Variants in NAALADL2 observed in about 807,000 individuals in gnomAD.
NAALADL2 encodes the protein N-acetylated alpha-linked acidic dipeptidase like 2, also known as inactive N-acetylated-alpha-linked acidic dipeptidase-like protein 2.
NAALADL2 carries 76 observed loss-of-function variants against 87.2 expected under a neutral mutation model. The ratio of observed to expected loss-of-function variants is 0.87; its 90% CI spans 0.72 to 1.05. NAALADL2 has a LOEUF of 1.05. Among genes scored for constraint, NAALADL2 ranks in the 50% least tolerant of loss-of-function variants. NAALADL2 has a pLI of 0.00. For synonymous variants in NAALADL2, 354 were observed against 331.0 expected, an observed-to-expected ratio of 1.07 and a Z score of -0.75; for missense variants, 1,089 against 945.8, an observed-to-expected ratio of 1.15 and a Z score of -1.99.
intron 4 of NAALADL2, among the ~76,000 whole-genome samples, chr3:175,267,394 T>TA (rs1036984677): frequency 8.6e-5 from 13 of 152,042 alleles, no homozygotes; most frequent in Non-Finnish European, 1.8e-4. Context: ...TTAAGTAATT[T>TA]ATTTTTTTTA....
chr3:175,667,393 CA>C (rs1474158322), intron 11 of NAALADL2, among the ~76,000 whole-genome samples: 3 of 152,066 alleles, frequency 2.0e-5, no homozygotes, highest in Non-Finnish European at 4.4e-5. Flanking sequence ...TCCAAATTGT[CA>C]CGTTTAAAAT....
In NAALADL2 at chr3:175,697,891, A is replaced by G. The variant is rs199795362; in HGVS notation, c.1897-39415A>G. 5.5e-4 allele frequency among the ~76,000 whole-genome samples: 44 copies of G among 79,952 alleles called. 1 individual carries two copies. Among genetic ancestry groups the G allele is most frequent in the African/African-American group, 2.1e-3 (40 of 19,100 alleles). 52.5% of individuals were successfully genotyped at this position (79,952 alleles called of 152,430 possible). ...TATGTATACATATATATGTGTATAT[A>G]TGTATGTATACATATATATGTGTAT... On this transcript the variant is annotated intron_variant, in intron 11 of 13. Coordinates refer to ENST00000454872, the MANE Select transcript of NAALADL2 (RefSeq NM_207015.3).
intron 4 of NAALADL2, among the ~76,000 whole-genome samples, chr3:175,304,640 A>G (rs1382174394): frequency 6.6e-6 from 1 of 152,152 alleles, no homozygotes; most frequent in East Asian, 1.9e-4. Flanking sequence ...CTGCCAGACC[A>G]GATGCTCCAC....
chr3:174,475,342 C>T (rs992760640), intron 1 of NAALADL2, among the ~76,000 whole-genome samples: 6 of 151,914 alleles, frequency 3.9e-5, no homozygotes, highest in African/African-American at 1.4e-4. Context: ...ATGGACAATA[C>T]TGATGTTGCA....
intron 1 of NAALADL2, among the ~76,000 whole-genome samples, chr3:174,489,228 T>C (rs1048661899): frequency 3.9e-5 from 6 of 151,968 alleles, no homozygotes; most frequent in African/African-American, 1.4e-4. Context: ...GCCAAAACAA[T>C]TTAATGAGGA....
rs1004115880 is a variant in NAALADL2, at chr3:175,809,460, A to C, written c.*6257A>C. On this transcript the variant is annotated 3_prime_UTR_variant, in exon 14 of 14. Coordinates refer to ENST00000454872, the MANE Select transcript of NAALADL2 (RefSeq NM_207015.3). ...CACTGTGCAGGACTAATTTTTTTTT[A>C]ATAGACATCCAGAAAATAGCCTGGG... The C allele has an allele frequency of 4.3e-5, 5 of 116,052 alleles. No homozygotes were observed. The highest frequency in any genetic ancestry group is 8.4e-5 in the Non-Finnish European group (5 of 59,294). 7.2% of individuals were successfully genotyped at this position (116,052 alleles called of 1,614,324 possible). A position where few individuals can be genotyped will look rare whatever the true frequency, so the allele number is the denominator to read the frequency against.
Position 174,840,066 on chromosome 3 carries a change from G to C in NAALADL2, c.-9+102320G>C, listed in dbSNP as rs141221857. 9.5e-3 allele frequency among the ~76,000 whole-genome samples: 1,449 copies of C among 151,874 alleles called. 18 individuals are homozygous for C. The highest frequency in any genetic ancestry group is 0.032 in the African/African-American group (1,347 of 41,450). On this transcript the variant is annotated intron_variant, in intron 3 of 3. Transcript: ENST00000434257. ...TACTTGCACATGCATTTATATAGCA[G>C]CACAATTCGTAATTACAAAAATGTG...
Position 175,353,527 on chromosome 3 carries a change from T to G in NAALADL2, c.1090+29202T>G, listed in dbSNP as rs565352986. ...TAAACAATTTCAAAGGTGAGAAGAC[T>G]AAGACATGTCAAACTTAGGTGATTT... On this transcript the variant is annotated intron_variant, in intron 5 of 13. Coordinates refer to ENST00000454872, the MANE Select transcript of NAALADL2 (RefSeq NM_207015.3). Among the ~76,000 whole-genome samples, 6 of 152,332 alleles carry G rather than the reference T, an allele frequency of 3.9e-5. No individual in the cohort carries two copies. The East Asian group carries it at 1.2e-3, about 29-fold the overall frequency.
chr3:175,553,741 A>G (rs938993226), intron 9 of NAALADL2, among the ~76,000 whole-genome samples: 4 of 151,720 alleles, frequency 2.6e-5, no homozygotes, highest in African/African-American at 9.7e-5. Flanking sequence ...ATGATAATAT[A>G]AATTTTCCAT....
At chr3:175,380,167 T>G (rs1767625305) in intron 5 of NAALADL2, among the ~76,000 whole-genome samples, 1 of 152,082 alleles carries the variant, frequency 6.6e-6, no homozygotes, top group East Asian at 1.9e-4. Context: ...ACCTGCATGT[T>G]GTGCACATGT....
In NAALADL2 at chr3:174,776,078, T is replaced by A. The variant is rs544526598; in HGVS notation, c.-9+38332T>A. 4.1e-4 allele frequency among the ~76,000 whole-genome samples: 63 copies of A among 152,268 alleles called. 1 individual carries two copies. In the East Asian group the frequency reaches 0.012, roughly 28 times the overall value. On this transcript the variant is annotated intron_variant, in intron 3 of 3. Transcript: ENST00000434257. ...CTGTTTTCCTTTTATGTCAACTTTCTTCAAATAAGAATCTTTATACACAAT... is the reference window on the plus strand; with the variant it reads ...CTGTTTTCCTTTTATGTCAACTTTCATCAAATAAGAATCTTTATACACAAT...
intron 2 of NAALADL2, among the ~76,000 whole-genome samples, chr3:175,143,115 C>T (rs1299907554): frequency 1.3e-5 from 2 of 151,952 alleles, no homozygotes; most frequent in East Asian, 1.9e-4. Context: ...GCTTCAACCT[C>T]TTCATTCACA....
At chr3:174,795,161 T>A (rs1364295169) in intron 3 of NAALADL2, among the ~76,000 whole-genome samples, 1 of 115,112 alleles carries the variant, frequency 8.7e-6, no homozygotes, top group Non-Finnish European at 2.1e-5. Context: ...CTGGCTAGTA[T>A]TTTTTTTGTA....
At chr3:174,658,998 C>A (rs1362011277) in intron 2 of NAALADL2, among the ~76,000 whole-genome samples, 1 of 152,094 alleles carries the variant, frequency 6.6e-6, no homozygotes, top group Non-Finnish European at 1.5e-5. Context: ...TTGATGGTCT[C>A]CTTTTTCTGT....
At chr3:175,374,753 A>G (rs1203475236) in intron 5 of NAALADL2, among the ~76,000 whole-genome samples, 2 of 151,294 alleles carry the variant, frequency 1.3e-5, no homozygotes, top group African/African-American at 2.4e-5. Context: ...CATGCCTGCA[A>G]TGCCAGCTAT....
intron 3 of NAALADL2, among the ~76,000 whole-genome samples, chr3:174,744,424 A>T (rs1696503921): frequency 6.6e-6 from 1 of 152,056 alleles, no homozygotes; most frequent in Non-Finnish European, 1.5e-5. Context: ...TATGCACCCA[A>T]CACAGGAGCG....
intron 3 of NAALADL2, among the ~76,000 whole-genome samples, chr3:174,852,118 C>G (rs567539796): frequency 2.0e-5 from 3 of 152,158 alleles, no homozygotes; most frequent in Admixed American, 1.3e-4. Flanking sequence ...TAGTATTATG[C>G]TGAGTGGGAA....
chr3:174,744,277 G>A (rs975044956), intron 3 of NAALADL2, among the ~76,000 whole-genome samples: 1 of 151,866 alleles, frequency 6.6e-6, no homozygotes, highest in Non-Finnish European at 1.5e-5. Flanking sequence ...AAGAGGGAAA[G>A]AGAAGACTTA....
At chr3:174,744,291 CAG>C (rs1327242588) in intron 3 of NAALADL2, among the ~76,000 whole-genome samples, 1 of 151,778 alleles carries the variant, frequency 6.6e-6, no homozygotes, top group Non-Finnish European at 1.5e-5. Flanking sequence ...AGACTTATGT[CAG>C]AGTGATGTGA....
Sources: gnomAD v4.1 joint callset for allele counts (sites outside exome capture counted in the v4.1 genomes callset) on GRCh38, gnomAD v4.1.1 for gene constraint, MANE v1.5 for transcripts, NCBI Gene and HGNC (gene_info 2026-07-23, HGNC 2026-07-21) for gene names.